LCP2: variants seen among roughly 807,000 people sequenced by gnomAD.
LCP2 encodes the protein 76 kDa tyrosine phosphoprotein.
A neutral mutation model predicts 74.5 loss-of-function variants in LCP2; 29 were observed. That is an observed-to-expected ratio of 0.39 (90% confidence interval 0.29 to 0.53). The LOEUF is 0.53. LCP2 is among the 20% of genes least tolerant of loss of function. The probability of loss-of-function intolerance (pLI) is 0.72; values close to 1 mark genes in which losing one functional copy is unlikely to be tolerated. For synonymous variants in LCP2, 228 were observed against 229.5 expected (o/e 0.99, Z 0.06); for missense variants, 604 against 634.6 (o/e 0.95, Z 0.52).
chr5:170,261,041 A>G (rs1289296968), intron 14 of LCP2, 66 bp downstream of exon 14: 4 of 1,256,674 alleles, frequency 3.2e-6, no homozygotes, highest in Non-Finnish European at 4.6e-6. Flanking sequence ...TGGAGTCCCA[A>G]CCTCCTAAGA....
chr5:170,279,973 A>G (rs1482661559), intron 3 of LCP2, among the ~76,000 whole-genome samples: 8 of 149,798 alleles, frequency 5.3e-5, no homozygotes, highest in African/African-American at 1.5e-4. Context: ...GGAGAGAGAG[A>G]GGGGGGAAGG....
chr5:170,275,659 C>A lies in LCP2; in HGVS notation c.254+136G>T, dbSNP rs1005843265. The A allele has an allele frequency of 5.2e-6, 4 of 773,114 alleles. No individual in the cohort carries two copies. In the African/African-American group the frequency reaches 5.2e-5, roughly 10 times the overall value. The allele number at this position is 773,114 out of a possible 1,614,324, so 47.9% of individuals were successfully genotyped here. A position where few individuals can be genotyped will look rare whatever the true frequency, so the allele number is the denominator to read the frequency against. On this transcript the variant is annotated intron_variant, in intron 4 of 20. Coordinates refer to ENST00000046794, the MANE Select transcript of LCP2 (RefSeq NM_005565.5). ...GAGGGAACCCCTTCCCCTCGTTGGA[C>A]ACCATCTTCCAGACCCCTGGGATTC...
chr5:170,250,277 C>T (rs894440848), intron 20 of LCP2, among the ~76,000 whole-genome samples: 8 of 152,170 alleles, frequency 5.3e-5, no homozygotes, highest in African/African-American at 1.9e-4. Context: ...GCGATCTGGC[C>T]ATCCTCACAG....
At chr5:170,288,199 T>A (rs988326617) in intron 2 of LCP2, among the ~76,000 whole-genome samples, 183 bp from the exon 3 acceptor site, 1 of 118,044 alleles carries the variant, frequency 8.5e-6, no homozygotes, top group African/African-American at 3.3e-5. Context: ...CCTAAAAGCC[T>A]GTGGGCCTGC....
intron 17 of LCP2, among the ~76,000 whole-genome samples, chr5:170,253,817 T>A (rs1761500115): frequency 6.6e-6 from 1 of 152,218 alleles, no homozygotes; most frequent in South Asian, 2.1e-4. Flanking sequence ...TCAGGAAGTT[T>A]TTACTGGGCA....
chr5:170,258,351 C>T lies in LCP2; in HGVS notation c.971-185G>A, dbSNP rs1761597300. ...CCCAGGGTGTTTCTAGATGACTTAA[C>T]CACCATAGAATCCATTTACAAAGGG... On this transcript the variant is annotated intron_variant, in intron 15 of 20. Coordinates refer to ENST00000046794, the MANE Select transcript of LCP2 (RefSeq NM_005565.5). The T allele has an allele frequency of 3.0e-5, 17 of 566,902 alleles. No individual in the cohort carries two copies. In the South Asian group the frequency reaches 4.4e-4, roughly 15 times the overall value. The allele number at this position is 566,902 out of a possible 1,614,324, so 35.1% of individuals were successfully genotyped here.
chr5:170,273,890 T>G, intron 6 of LCP2: 1 of 162,894 alleles, frequency 6.1e-6, no homozygotes, highest in Non-Finnish European at 1.3e-5. Flanking sequence ...TACTTGAGAG[T>G]AGATTTCTAG....
At chr5:170,274,870 G>C (rs1049475331) in intron 5 of LCP2, among the ~76,000 whole-genome samples, 2 of 151,880 alleles carry the variant, frequency 1.3e-5, no homozygotes, top group Admixed American at 1.3e-4. Flanking sequence ...CCAGCTACTC[G>C]GGAGGCTGAG....
intron 3 of LCP2, among the ~76,000 whole-genome samples, chr5:170,276,465 A>C (rs1482221676): frequency 1.3e-5 from 2 of 152,086 alleles, no homozygotes; most frequent in Admixed American, 6.6e-5. Flanking sequence ...ATTCTCTATA[A>C]AGGCAGGGGT....
chr5:170,254,811 A>G (rs2113154873), intron 17 of LCP2, among the ~76,000 whole-genome samples: 1 of 152,214 alleles, frequency 6.6e-6, no homozygotes, highest in East Asian at 1.9e-4. Context: ...GTCACCTACC[A>G]CCCTTAATAT....
At chr5:170,286,459 T>C (rs1464569741) in intron 3 of LCP2, among the ~76,000 whole-genome samples, 1 of 152,242 alleles carries the variant, frequency 6.6e-6, no homozygotes, top group African/African-American at 2.4e-5. Flanking sequence ...AGAACTATGG[T>C]TTATCTCTAC....
At chr5:170,273,637 G>C (rs1470062774) in intron 6 of LCP2, 2 of 152,258 alleles carry the variant, frequency 1.3e-5, no homozygotes, top group African/African-American at 4.8e-5. Context: ...AAAATGAACA[G>C]ATTGGGCTAC....
At chr5:170,296,921 A>T (rs1762398634) in intron 1 of LCP2, among the ~76,000 whole-genome samples, 1 of 152,194 alleles carries the variant, frequency 6.6e-6, no homozygotes, top group African/African-American at 2.4e-5. Flanking sequence ...CGGGAGCTTG[A>T]GGACCCCCCT....
chr5:170,258,882 G>A lies in LCP2; in HGVS notation c.958-4C>T. ...CGAACATACCATCATCTTCATCCTG[G>A]GAAGGGGAAGAAAAAAAAAGATATT... is the stretch of plus-strand genomic sequence containing the variant. On this transcript the variant is annotated splice_region_variant and splice_polypyrimidine_tract_variant and intron_variant, in intron 14 of 20. Transcript: ENST00000046794. 6.3e-7 allele frequency: 1 copy of A among 1,576,432 alleles called. No homozygotes were observed. The highest frequency in any genetic ancestry group is 8.7e-7 in the Non-Finnish European group (1 of 1,153,932).
chr5:170,291,361 G>C (rs1182607401), intron 2 of LCP2, among the ~76,000 whole-genome samples: 1 of 152,184 alleles, frequency 6.6e-6, no homozygotes, highest in Non-Finnish European at 1.5e-5. Context: ...GTCCCAAATT[G>C]TACCCAGTGC....
In LCP2 at chr5:170,270,521, A is replaced by G. The variant is rs1051135488; in HGVS notation, c.523+198T>C. ...ATGTGGTCTGTACATTTATTATCCT[A>G]TTTCACAGATGAGGAAATTGAGGCC... On this transcript the variant is annotated intron_variant, in intron 7 of 20. Coordinates refer to ENST00000046794, the MANE Select transcript of LCP2 (RefSeq NM_005565.5). The G allele has an allele frequency of 7.9e-5, 43 of 546,052 alleles. No homozygotes were observed. In the East Asian group the frequency reaches 9.5e-4, roughly 12 times the overall value. 33.8% of individuals were successfully genotyped at this position (546,052 alleles called of 1,614,324 possible). A position where few individuals can be genotyped will look rare whatever the true frequency, so the allele number is the denominator to read the frequency against.
chr5:170,252,577 C>T, intron 18 of LCP2, 66 bp from the exon 19 acceptor site: 1 of 767,784 alleles, frequency 1.3e-6, no homozygotes, highest in Non-Finnish European at 2.2e-6. Flanking sequence ...AAAAGAAAAG[C>T]CTCTGAGTAA....
chr5:170,248,896 C>CA, intron 20 of LCP2, 77 bp from the exon 21 acceptor site: 1 of 1,413,234 alleles, frequency 7.1e-7, no homozygotes, highest in South Asian at 1.2e-5. Flanking sequence ...TTTTTATCTG[C>CA]ATAATATATG....
At chr5:170,283,212 G>A (rs950696774) in intron 3 of LCP2, among the ~76,000 whole-genome samples, 3 of 152,072 alleles carry the variant, frequency 2.0e-5, no homozygotes, top group Admixed American at 6.5e-5. Flanking sequence ...GGATTACATC[G>A]CAGGCCAAGC....
Sources: gnomAD v4.1 joint callset for allele counts (sites outside exome capture counted in the v4.1 genomes callset) on GRCh38, gnomAD v4.1.1 for gene constraint, MANE v1.5 for transcripts, NCBI Gene and HGNC (gene_info 2026-07-23, HGNC 2026-07-21) for gene names.